SPATA2L: variants seen among roughly 807,000 people sequenced by gnomAD.
SPATA2L encodes the protein spermatogenesis associated 2 like.
Under a neutral mutation model 8.7 loss-of-function variants are expected in SPATA2L, and 5 were observed. That is an observed-to-expected ratio of 0.57 (90% confidence interval 0.30 to 1.21). SPATA2L has a LOEUF of 1.21. SPATA2L is among the 50% of genes most tolerant of loss of function. SPATA2L has a pLI of 0.07. For synonymous variants in SPATA2L, 358 were observed against 275.8 expected, an observed-to-expected ratio of 1.30 and a Z score of -2.95; for missense variants, 671 against 591.0, an observed-to-expected ratio of 1.14 and a Z score of -1.40.
intron 1 of SPATA2L, 189 bp downstream of exon 1, chr16:89,701,439 C>T (rs1006109080): frequency 4.4e-4 from 208 of 469,708 alleles, no homozygotes; most frequent in Non-Finnish European, 6.5e-4. Context: ...CGATCCAGGC[C>T]CCTCCAGTTG....
chr16:89,699,535 G>A (rs977460452), intron 2 of SPATA2L, among the ~76,000 whole-genome samples: 3 of 151,522 alleles, frequency 2.0e-5, no homozygotes, highest in African/African-American at 2.4e-5. Flanking sequence ...GCCGTGGGAC[G>A]GTAGAAGGGT....
chr16:89,699,763 G>C (rs1177217630), intron 2 of SPATA2L, among the ~76,000 whole-genome samples: 1 of 152,130 alleles, frequency 6.6e-6, no homozygotes, highest in Non-Finnish European at 1.5e-5. Flanking sequence ...TGTTGGTTAG[G>C]CTGGTGTCAA....
intron 2 of SPATA2L, 89 bp from the exon 3 acceptor site, chr16:89,698,394 C>A (rs966403943): frequency 9.2e-5 from 131 of 1,429,898 alleles, no homozygotes; most frequent in Non-Finnish European, 1.2e-4. Flanking sequence ...TTGGCTCAGG[C>A]CTTGGCAGCT....
chr16:89,700,837 C>CCT, intron 2 of SPATA2L, 93 bp downstream of exon 2: 22 of 1,323,144 alleles, frequency 1.7e-5, no homozygotes, highest in East Asian at 2.9e-5. Context: ...ACTTGAAGCC[C>CCT]CTCTCTCTCG....
Position 89,696,791 on chromosome 16 carries a change from A to G in SPATA2L, c.*543T>C, listed in dbSNP as rs1567531441. 1 of 1,533,750 alleles carries G rather than the reference A, an allele frequency of 6.5e-7. No homozygotes were observed. The highest frequency in any genetic ancestry group is 8.7e-7 in the Non-Finnish European group (1 of 1,145,596). On this transcript the variant is annotated 3_prime_UTR_variant, in exon 3 of 3. Transcript: ENST00000289805. ...GTGGGCCCAGCTGCTGTGACACCCA[A>G]GGGGAGGGCCGGCGTCCCCGAAGCC... is the stretch of plus-strand genomic sequence containing the variant.
At chr16:89,698,342 TC>T (rs2060751808) in intron 2 of SPATA2L, 37 bp from the exon 3 acceptor site, 1 of 1,529,564 alleles carries the variant, frequency 6.5e-7, no homozygotes, top group South Asian at 1.3e-5. Context: ...CTGCCCACCC[TC>T]CCATAGGCCA....
chr16:89,700,391 G>A (rs2060768167), intron 2 of SPATA2L, among the ~76,000 whole-genome samples: 1 of 152,078 alleles, frequency 6.6e-6, no homozygotes, highest in African/African-American at 2.4e-5. Context: ...AGCTCCCGGC[G>A]GCCCTGCCCC....
intron 1 of SPATA2L, 57 bp from the exon 2 acceptor site, chr16:89,701,290 C>A: frequency 7.4e-7 from 1 of 1,350,098 alleles, no homozygotes; most frequent in Non-Finnish European, 9.5e-7. Context: ...CAGCCCGCCG[C>A]GCTCTCCCCG....
Position 89,698,303 on chromosome 16 carries a change from G to T in SPATA2L, c.306C>A (p.Thr102=), listed in dbSNP as rs1567533249. ...PWRKEFTTIK[T]FSGGYVHVLK... ...GCACGTGCACGTAGCCCCCAGAGAA[G>T]GTCTGCAAGGGAGCGGCCAGGTCAG... The change falls in exon 3 of 3, where the codon ACC becomes ACA. Residue 102 remains threonine (T), a splice_region_variant and synonymous_variant. Coordinates refer to ENST00000289805, the MANE Select transcript of SPATA2L (RefSeq NM_152339.4). 3 of 1,555,354 alleles carry T rather than the reference G, an allele frequency of 1.9e-6. No individual in the cohort carries two copies. The highest frequency in any genetic ancestry group is 8.7e-7 in the Non-Finnish European group (1 of 1,146,780).
At position 89,697,454 on chromosome 16, in the gene SPATA2L, C is replaced by T; in HGVS notation, c.1155G>A (p.Leu385=). The change falls in exon 3 of 3, where the codon CTG becomes CTA. Residue 385 remains leucine (L), a synonymous_variant. Transcript: ENST00000289805. ...GCGAGTGGCCTGGACGGCAGGCGGGCAGGGCTGCACAGTGGGCAGCATGCA... is the reference window on the plus strand; with the variant it reads ...GCGAGTGGCCTGGACGGCAGGCGGGTAGGGCTGCACAGTGGGCAGCATGCA... ...RQLHAAHCAA[L]PACRPGHSLR... is the part of the protein sequence containing the mutation. The T allele has an allele frequency of 2.5e-6, 4 of 1,604,852 alleles. No individual in the cohort carries two copies. Among genetic ancestry groups the T allele is most frequent in the East Asian group, 2.2e-5 (1 of 44,704 alleles).
rs780819240 is a variant in SPATA2L at position 89,698,222 on chromosome 16, G to A, written c.387C>T (p.Tyr129=). Residue 129 remains tyrosine (Y), a synonymous_variant, in exon 3 of 3, where the codon TAC becomes TAT. Coordinates refer to ENST00000289805, the MANE Select transcript of SPATA2L (RefSeq NM_152339.4). Reference sequence around the variant, plus strand: ...TGAGCCGATGGCTGTCTCTGCGTACGTAGCCCATCTTCTGGAAGCTCTTCA... The same window carrying A: ...TGAGCCGATGGCTGTCTCTGCGTACATAGCCCATCTTCTGGAAGCTCTTCA... ...LLLKSFQKMG[Y]VRRDSHRLMV... 2.0e-5 allele frequency: 32 copies of A among 1,612,180 alleles called. No homozygotes were observed. The East Asian group carries it at 2.0e-4, about 10-fold the overall frequency.
chr16:89,696,766 G>A lies in SPATA2L; in HGVS notation c.*568C>T. On this transcript the variant is annotated 3_prime_UTR_variant, in exon 3 of 3. Coordinates refer to ENST00000289805, the MANE Select transcript of SPATA2L (RefSeq NM_152339.4). ...TTTGAGGTCAGGTCATTTCCTGTCT[G>A]TGGGCCCAGCTGCTGTGACACCCAA... 3.9e-6 allele frequency: 6 copies of A among 1,530,134 alleles called. No homozygotes were observed. Among genetic ancestry groups the A allele is most frequent in the South Asian group, 1.2e-5 (1 of 83,272 alleles). 94.8% of individuals were successfully genotyped at this position (1,530,134 alleles called of 1,614,324 possible). A position where few individuals can be genotyped will look rare whatever the true frequency, so the allele number is the denominator to read the frequency against.
At chr16:89,698,673 G>A (rs762951368) in intron 2 of SPATA2L, among the ~76,000 whole-genome samples, 3 of 151,470 alleles carry the variant, frequency 2.0e-5, no homozygotes, top group Non-Finnish European at 2.9e-5. Context: ...TTTTAGTAGA[G>A]ACAGGGTTTC....
chr16:89,696,689 C>A lies in SPATA2L; in HGVS notation c.*645G>T. The A allele has an allele frequency of 1.6e-6, 2 of 1,246,378 alleles. No individual in the cohort carries two copies. Among genetic ancestry groups the A allele is most frequent in the Non-Finnish European group, 2.2e-6 (2 of 904,744 alleles). The allele number at this position is 1,246,378 out of a possible 1,614,324, so 77.2% of individuals were successfully genotyped here. A position where few individuals can be genotyped will look rare whatever the true frequency, so the allele number is the denominator to read the frequency against. ...GCAGCAGTGACGCTCAGGGCCTTCC[C>A]AGCTGTCAGCCACTGCCCGTTCCTG... On this transcript the variant is annotated 3_prime_UTR_variant, in exon 3 of 3. Coordinates refer to ENST00000289805, the MANE Select transcript of SPATA2L (RefSeq NM_152339.4).
chr16:89,697,559 C>G lies in SPATA2L; in HGVS notation c.1050G>C (p.Ser350=), dbSNP rs778189117. ...GVPASAYRSV[S]EPPGYQAHSC... ...TGTGTGCCTGGTAGCCTGGGGGCTCCGAGACAGACCTATAGGCTGAGGCTG... is the reference window on the plus strand; with the variant it reads ...TGTGTGCCTGGTAGCCTGGGGGCTCGGAGACAGACCTATAGGCTGAGGCTG... Residue 350 remains serine (S), a synonymous_variant, in exon 3 of 3, where the codon TCG becomes TCC. Coordinates refer to ENST00000289805, the MANE Select transcript of SPATA2L (RefSeq NM_152339.4). 4 of 1,590,130 alleles carry G rather than the reference C, an allele frequency of 2.5e-6. No homozygotes were observed. In the South Asian group the frequency reaches 4.4e-5, roughly 18 times the overall value.
At chr16:89,699,993 C>T (rs2060765384) in intron 2 of SPATA2L, among the ~76,000 whole-genome samples, 1 of 152,242 alleles carries the variant, frequency 6.6e-6, no homozygotes, top group South Asian at 2.1e-4. Flanking sequence ...TGTGGAGCGC[C>T]CAGTGCCTGC....
In SPATA2L at chr16:89,697,851, G is replaced by A. The variant is rs774588930; in HGVS notation, c.758C>T (p.Pro253Leu). 98 of 1,610,340 alleles carry A rather than the reference G, an allele frequency of 6.1e-5. No individual in the cohort carries two copies. Among genetic ancestry groups the A allele is most frequent in the Non-Finnish European group, 8.3e-5 (98 of 1,179,262 alleles). Residue 253 changes from proline (P) to leucine (L), a missense_variant, in exon 3 of 3, where the codon CCC becomes CTC. Pro to Leu is a moderately conservative substitution (Grantham distance 98, BLOSUM62 -3). Coordinates refer to ENST00000289805, the MANE Select transcript of SPATA2L (RefSeq NM_152339.4). ...YGEPSPGPDS[P>L]PAELAYRPPL... ...TGGCCTGTAGGCCAGCTCCGCCGGG[G>A]GCGAGTCAGGGCCTGGTGACGGCTC...
Position 89,696,665 on chromosome 16 carries a change from C to A in SPATA2L, c.*669G>T. Reference sequence around the variant, plus strand: ...GCTGTCCACAGGCCCTTCCGCCCAGCAGCAGTGACGCTCAGGGCCTTCCCA... The same window carrying A: ...GCTGTCCACAGGCCCTTCCGCCCAGAAGCAGTGACGCTCAGGGCCTTCCCA... On this transcript the variant is annotated 3_prime_UTR_variant, in exon 3 of 3. Transcript: ENST00000289805. The A allele has an allele frequency of 9.6e-7, 1 of 1,041,588 alleles. No individual in the cohort carries two copies. The highest frequency in any genetic ancestry group is 1.4e-6 in the Non-Finnish European group (1 of 729,140). The allele number at this position is 1,041,588 out of a possible 1,614,324, so 64.5% of individuals were successfully genotyped here. A position where few individuals can be genotyped will look rare whatever the true frequency, so the allele number is the denominator to read the frequency against.
chr16:89,700,909 TC>T lies in SPATA2L; in HGVS notation c.303+20del. ...CCGCAGGCCAGGACGAGGGGCGCGC[TC>T]CTCCTGGCCTGGCGCCTACCTTGAT... On this transcript the variant is annotated intron_variant, in intron 2 of 2. Transcript: ENST00000289805. The T allele has an allele frequency of 1.4e-6, 2 of 1,418,446 alleles. No homozygotes were observed. The highest frequency in any genetic ancestry group is 1.8e-6 in the Non-Finnish European group (2 of 1,082,096). 87.9% of individuals were successfully genotyped at this position (1,418,446 alleles called of 1,614,324 possible).
Sources: gnomAD v4.1 joint callset for allele counts (sites outside exome capture counted in the v4.1 genomes callset) on GRCh38, gnomAD v4.1.1 for gene constraint, MANE v1.5 for transcripts, NCBI Gene and HGNC (gene_info 2026-07-23, HGNC 2026-07-21) for gene names.